Variants in SLC18A1 observed in about 807,000 individuals in gnomAD.
SLC18A1 encodes chromaffin granule amine transporter.
In SLC18A1, 69 loss-of-function variants were observed where a neutral mutation model predicts 53.7. That is an observed-to-expected ratio of 1.28 (90% CI 1.06 to 1.57). The LOEUF (loss-of-function observed/expected upper bound fraction) is 1.57, where lower values mean the gene tolerates loss of function less well. Ranked by LOEUF, SLC18A1 falls within the 40% of genes most tolerant of loss-of-function variation. The pLI is 0.00. For missense variants in SLC18A1, 932 were observed against 668.1 expected, an observed-to-expected ratio of 1.40 and a Z score of -4.35; for synonymous variants, 320 against 248.1, an observed-to-expected ratio of 1.29 and a Z score of -2.72.
intron 4 of SLC18A1, among the ~76,000 whole-genome samples, chr8:20,174,915 T>C (rs2072218828): frequency 6.6e-6 from 1 of 152,240 alleles, no homozygotes; most frequent in African/African-American, 2.4e-5. Context: ...AGGAATTGGG[T>C]AGAAAATAAT....
intron 4 of SLC18A1, 48 bp downstream of exon 4, chr8:20,178,387 A>G: frequency 1.4e-6 from 2 of 1,478,600 alleles, no homozygotes; most frequent in Non-Finnish European, 1.9e-6. Flanking sequence ...ACTTGATAAA[A>G]TCAAAGGTAA....
intron 12 of SLC18A1, chr8:20,148,596 GT>G: frequency 1.7e-6 from 1 of 577,596 alleles, no homozygotes; most frequent in Non-Finnish European, 3.0e-6. Flanking sequence ...TGTGGCTTGG[GT>G]CCCCTGTCAG....
At chr8:20,165,711 G>A (rs1449622059) in intron 8 of SLC18A1, among the ~76,000 whole-genome samples, 1 of 152,110 alleles carries the variant, frequency 6.6e-6, no homozygotes, top group Non-Finnish European at 1.5e-5. Flanking sequence ...AAGCATCCCA[G>A]CAGTGCCTCA....
At chr8:20,173,542 C>G (rs2072180152) in intron 5 of SLC18A1, among the ~76,000 whole-genome samples, 1 of 152,152 alleles carries the variant, frequency 6.6e-6, no homozygotes, top group Non-Finnish European at 1.5e-5. Context: ...CACTGCAGAC[C>G]TGGAAGAAAG....
chr8:20,170,565 G>A (rs1442593620), intron 8 of SLC18A1, among the ~76,000 whole-genome samples: 1 of 152,096 alleles, frequency 6.6e-6, no homozygotes, highest in African/African-American at 2.4e-5. Flanking sequence ...TTGGCTTAGA[G>A]TCAAACAAGT....
At chr8:20,173,729 G>T (rs113939789) in intron 5 of SLC18A1, among the ~76,000 whole-genome samples, 56 of 152,208 alleles carry the variant, frequency 3.7e-4, no homozygotes, top group African/African-American at 1.3e-3. Flanking sequence ...ACTAAGAGGG[G>T]GACAGAAAAA....
intron 4 of SLC18A1, chr8:20,175,929 C>A (rs2072241188): frequency 6.6e-6 from 1 of 152,128 alleles, no homozygotes; most frequent in South Asian, 2.1e-4. Flanking sequence ...GTCTACTCTC[C>A]CAATGTCCTT....
At chr8:20,178,978 G>T in intron 3 of SLC18A1, 143 bp downstream of exon 3, 2 of 944,248 alleles carry the variant, frequency 2.1e-6, no homozygotes, top group Non-Finnish European at 3.1e-6. Context: ...TATTCTTTGA[G>T]TAACGAGCTT....
Position 20,147,241 on chromosome 8 carries a change from C to A in SLC18A1, c.1464+17G>T. The A allele has an allele frequency of 4.4e-6, 7 of 1,577,288 alleles. No homozygotes were observed. Among genetic ancestry groups the A allele is most frequent in the Non-Finnish European group, 6.0e-6 (7 of 1,168,048 alleles). On this transcript the variant is annotated intron_variant, in intron 15 of 15. Coordinates refer to ENST00000276373, the MANE Select transcript of SLC18A1 (RefSeq NM_003053.4). ...AAACAGAAGTGAATTTCTCTTTTAA[C>A]AGTCGGTGCTCCTTACAAGCTTCTC...
chr8:20,164,812 C>T, intron 10 of SLC18A1, 57 bp downstream of exon 10: 2 of 1,360,688 alleles, frequency 1.5e-6, no homozygotes, highest in East Asian at 2.3e-5. Context: ...AACGAAAGGA[C>T]TCATGGCACC....
At position 20,171,398 on chromosome 8, in the gene SLC18A1, G is replaced by A. The variant is rs2128877428; in HGVS notation, c.814+7C>T. On this transcript the variant is annotated splice_region_variant and intron_variant, in intron 7 of 15. Transcript: ENST00000276373. The stretch of plus-strand genomic sequence containing the variant: ...GTCACCTGCTGGAGGCTCTGATGGT[G>A]ACTTACCTCCATCCAGTAGTGCCAG... The A allele has an allele frequency of 6.2e-7, 1 of 1,611,806 alleles. No homozygotes were observed. The highest frequency in any genetic ancestry group is 8.5e-7 in the Non-Finnish European group (1 of 1,178,006).
At chr8:20,171,724 A>ATG (rs369186699) in intron 6 of SLC18A1, among the ~76,000 whole-genome samples, 105 of 149,674 alleles carry the variant, frequency 7.0e-4, no homozygotes, top group African/African-American at 1.9e-3. Flanking sequence ...GTGTGTATGT[A>ATG]TGTGTGTGTG....
At chr8:20,171,969 G>T (rs1283260538) in intron 6 of SLC18A1, among the ~76,000 whole-genome samples, 1 of 152,232 alleles carries the variant, frequency 6.6e-6, no homozygotes, top group African/African-American at 2.4e-5. Context: ...ATGAATATTT[G>T]CGAGGAGAAA....
At chr8:20,149,211 T>A (rs2071482388) in intron 12 of SLC18A1, among the ~76,000 whole-genome samples, 1 of 152,204 alleles carries the variant, frequency 6.6e-6, no homozygotes, top group African/African-American at 2.4e-5. Flanking sequence ...TTTCTTCTTC[T>A]ATCAAGCCTC....
At chr8:20,150,643 T>C in intron 11 of SLC18A1, 23 bp downstream of exon 11, 1 of 1,604,732 alleles carries the variant, frequency 6.2e-7, no homozygotes, top group Non-Finnish European at 8.5e-7. Flanking sequence ...CTACTGTTCG[T>C]CCCAGATCCC....
chr8:20,174,472 G>T (rs2072207844), intron 4 of SLC18A1, 28 bp from the exon 5 acceptor site: 2 of 1,553,072 alleles, frequency 1.3e-6, no homozygotes, highest in Middle Eastern at 1.7e-4. Context: ...CAAGATAACT[G>T]CAGTTAGCAA....
chr8:20,181,990 C>T (rs1447155790), intron 1 of SLC18A1: 1 of 152,178 alleles, frequency 6.6e-6, no homozygotes, highest in African/African-American at 2.4e-5. Flanking sequence ...GATTAGTTCT[C>T]TATTCAGGAT....
chr8:20,160,767 C>G (rs1051026451), intron 10 of SLC18A1, among the ~76,000 whole-genome samples: 3 of 152,106 alleles, frequency 2.0e-5, no homozygotes, highest in Non-Finnish European at 4.4e-5. Context: ...GATCACAATG[C>G]TGGAAGCTGG....
At chr8:20,170,325 G>A (rs914795829) in intron 8 of SLC18A1, among the ~76,000 whole-genome samples, 1 of 152,110 alleles carries the variant, frequency 6.6e-6, no homozygotes, top group Non-Finnish European at 1.5e-5. Context: ...GCTAAAAATT[G>A]TACTTATTTC....
Sources: allele counts gnomAD v4.1 joint callset (sites outside exome capture counted in the v4.1 genomes callset), GRCh38; gene constraint gnomAD v4.1.1; transcripts MANE v1.5; gene names NCBI Gene and HGNC (gene_info 2026-07-23, HGNC 2026-07-21).